Variants in PCDHGA11 observed in about 807,000 individuals in gnomAD.
The protein encoded by PCDHGA11 is protocadherin gamma subfamily A, 11.
A neutral mutation model predicts 60.4 loss-of-function variants in PCDHGA11; 39 were observed. The ratio of observed to expected loss-of-function variants is 0.65; its 90% CI spans 0.50 to 0.84. The LOEUF (loss-of-function observed/expected upper bound fraction) is 0.84. Among genes scored for constraint, PCDHGA11 ranks in the 40% least tolerant of loss-of-function variants. PCDHGA11 has a pLI of 0.00. For missense variants in PCDHGA11, 1,165 were observed against 1,197.7 expected (o/e 0.97, Z 0.40); for synonymous variants, 533 against 510.3 (o/e 1.04, Z -0.60).
intron 1 of PCDHGA11, among the ~76,000 whole-genome samples, chr5:141,436,889 G>T (rs1319754318): frequency 6.6e-6 from 1 of 152,208 alleles, no homozygotes; most frequent in Non-Finnish European, 1.5e-5. Flanking sequence ...ATGGGGGAAA[G>T]ATTTTTATAT....
At position 141,422,184 on chromosome 5, in the gene PCDHGA11, A is replaced by T; in HGVS notation, c.957A>T (p.Glu319Asp). ...AAAAATATAGATTCTATGAGATGGAAATTCAAGGCCAAGATGGTGGAGGTC... is the reference window on the plus strand; with the variant it reads ...AAAAATATAGATTCTATGAGATGGATATTCAAGGCCAAGATGGTGGAGGTC... ...DFEKYRFYEM[E>D]IQGQDGGGLF... The change falls in exon 1 of 4, where the codon GAA becomes GAT. Residue 319 changes from glutamate to aspartate, a missense_variant. Transcript: ENST00000398587. 1 of 1,561,838 alleles carries T rather than the reference A, an allele frequency of 6.4e-7. No homozygotes were observed. Among genetic ancestry groups the T allele is most frequent in the Non-Finnish European group, 8.6e-7 (1 of 1,158,662 alleles).
rs200877911 is a variant in PCDHGA11 at position 141,477,977 on chromosome 5, A to G, written c.2434-16830A>G. ...ATCCCCTAACCAGAGCCTTTTTGCC[A>G]TAGGGCTGCACACTGGTCAAATCAG... On this transcript the variant is annotated intron_variant, in intron 1 of 3. Coordinates refer to ENST00000398587, the MANE Select transcript of PCDHGA11 (RefSeq NM_018914.3). The surrounding 1 kb of genome is among the most constrained non-coding windows in gnomAD (Gnocchi z 4.9). 5 of 1,614,092 alleles carry G rather than the reference A, an allele frequency of 3.1e-6. No individual in the cohort carries two copies. The East Asian group carries it at 6.7e-5, about 22-fold the overall frequency.
intron 1 of PCDHGA11, among the ~76,000 whole-genome samples, chr5:141,454,204 T>G (rs1161344350): frequency 3.3e-5 from 5 of 152,170 alleles, no homozygotes; most frequent in Non-Finnish European, 1.5e-5. Context: ...GTGAATTTAT[T>G]GACATGAATG....
rs1444244130 is a variant in PCDHGA11 at position 141,433,401 on chromosome 5, A to ATCTATCTC, written c.2433+9746_2433+9747insCTCTCTAT. The stretch of plus-strand genomic sequence containing the variant: ...TATCTATCTATCTATCTATCTATCT[A>ATCTATCTC]TCTATTACTTTCTTGTACAGACAGG... On this transcript the variant is annotated intron_variant, in intron 1 of 3. Transcript: ENST00000398587. Among the ~76,000 whole-genome samples, 100 of 150,598 alleles carry ATCTATCTC rather than the reference A, an allele frequency of 6.6e-4. 1 individual carries two copies. Among genetic ancestry groups the ATCTATCTC allele is most frequent in the African/African-American group, 2.4e-3 (100 of 40,958 alleles).
chr5:141,494,537 G>C (rs2099755111), intron 1 of PCDHGA11, among the ~76,000 whole-genome samples: 1 of 152,168 alleles, frequency 6.6e-6, no homozygotes, highest in Non-Finnish European at 1.5e-5. Flanking sequence ...TGGGGGCAGG[G>C]AGGAAGGGGC....
At chr5:141,496,050 G>A (rs1232836015) in intron 2 of PCDHGA11, among the ~76,000 whole-genome samples, 2 of 149,892 alleles carry the variant, frequency 1.3e-5, no homozygotes, top group Non-Finnish European at 3.0e-5. Flanking sequence ...ATTTTTTTGT[G>A]CTTGTGGGCA....
intron 1 of PCDHGA11, among the ~76,000 whole-genome samples, chr5:141,425,402 A>C (rs1288785443): frequency 6.6e-6 from 1 of 152,222 alleles, no homozygotes; most frequent in Non-Finnish European, 1.5e-5. Flanking sequence ...AAGTTCTGTT[A>C]AGGTATAACA....
chr5:141,489,830 A>G lies in PCDHGA11; in HGVS notation c.2434-4977A>G, dbSNP rs760376311. On this transcript the variant is annotated intron_variant, in intron 1 of 3. Coordinates refer to ENST00000398587, the MANE Select transcript of PCDHGA11 (RefSeq NM_018914.3). The surrounding 1 kb of genome is among the most constrained non-coding windows in gnomAD (Gnocchi z 4.5). ...AAGCCATTCCCAGAGCTGGTGCTAG[A>G]GCAGCAGCTGGATCGTGAAGCCCAG... 1.9e-6 allele frequency: 3 copies of G among 1,614,200 alleles called. No individual in the cohort carries two copies. Among genetic ancestry groups the G allele is most frequent in the East Asian group, 2.2e-5 (1 of 44,878 alleles).
At position 141,432,319 on chromosome 5, in the gene PCDHGA11, C is replaced by A; in HGVS notation, c.2433+8659C>A. The A allele has an allele frequency of 6.2e-7, 1 of 1,614,264 alleles. No individual in the cohort carries two copies. Among genetic ancestry groups the A allele is most frequent in the South Asian group, 1.1e-5 (1 of 91,088 alleles). ...GGGTACTGTATGCGCTGAGCTCCTTCGACTACGAGCAGTTCCGAGACTTGC... is the reference window on the plus strand; with the variant it reads ...GGGTACTGTATGCGCTGAGCTCCTTAGACTACGAGCAGTTCCGAGACTTGC... On this transcript the variant is annotated intron_variant, in intron 1 of 3. Transcript: ENST00000398587. The surrounding 1 kb of genome is among the most constrained non-coding windows in gnomAD (Gnocchi z 6.0).
chr5:141,422,746 T>G lies in PCDHGA11; in HGVS notation c.1519T>G (p.Ser507Ala), dbSNP rs763386007. The G allele has an allele frequency of 6.2e-7, 1 of 1,611,014 alleles. No homozygotes were observed. Among genetic ancestry groups the G allele is most frequent in the Non-Finnish European group, 8.5e-7 (1 of 1,178,114 alleles). ...GGGGGTGCCTCTGTCCTCCTATGTC[T>G]CTATTAACTCCAACACTGGTGTTCT... ...VQGVPLSSYV[S>A]INSNTGVLYA... Residue 507 changes from serine (S) to alanine (A), a missense_variant, in exon 1 of 4, where the codon TCT becomes GCT. Coordinates refer to ENST00000398587, the MANE Select transcript of PCDHGA11 (RefSeq NM_018914.3).
chr5:141,463,747 G>A (rs994400482), intron 1 of PCDHGA11, among the ~76,000 whole-genome samples: 13 of 152,082 alleles, frequency 8.5e-5, no homozygotes, highest in Middle Eastern at 3.4e-3. Context: ...CGCCCGGCCT[G>A]CTTCTCTTCT....
chr5:141,462,051 G>A (rs1370612703), intron 1 of PCDHGA11, among the ~76,000 whole-genome samples: 2 of 152,068 alleles, frequency 1.3e-5, no homozygotes, highest in African/African-American at 4.8e-5. Context: ...TTGAACTCCC[G>A]ACCTCAGGTG....
At chr5:141,441,742 T>C in intron 1 of PCDHGA11, 1 of 367,312 alleles carries the variant, frequency 2.7e-6, no homozygotes, top group Non-Finnish European at 5.4e-6. Context: ...TAGCTCGCGC[T>C]CGGCGTCAAC....
chr5:141,502,655 C>T (rs72790073), intron 2 of PCDHGA11, among the ~76,000 whole-genome samples: 29,437 of 152,034 alleles, frequency 0.19, 2,877 homozygotes, highest in Middle Eastern at 0.24. Context: ...AGGCAGCAAC[C>T]CTTCATGCAA....
intron 1 of PCDHGA11, chr5:141,428,173 CGGA>C (rs770477048): frequency 1.3e-6 from 2 of 1,514,730 alleles, no homozygotes. Context: ...CTGTGCGTGA[CGGA>C]GGACAGCCGC....
intron 1 of PCDHGA11, among the ~76,000 whole-genome samples, chr5:141,482,412 T>C (rs2099559037): frequency 6.6e-6 from 1 of 151,636 alleles, no homozygotes; most frequent in Non-Finnish European, 1.5e-5. Context: ...TAACTATTTG[T>C]TGAACTAAAA....
At chr5:141,484,451 T>G (rs2099596635) in intron 1 of PCDHGA11, among the ~76,000 whole-genome samples, 2 of 152,264 alleles carry the variant, frequency 1.3e-5, no homozygotes, top group South Asian at 4.1e-4. Flanking sequence ...TTTAATTGGC[T>G]ACGTTAATGT....
Position 141,421,564 on chromosome 5 carries a change from G to T in PCDHGA11, c.337G>T (p.Asp113Tyr), listed in dbSNP as rs2096583836. The T allele has an allele frequency of 1.2e-6, 2 of 1,613,864 alleles. No homozygotes were observed. The highest frequency in any genetic ancestry group is 3.3e-5 in the Admixed American group (2 of 60,010). Residue 113 changes from aspartate to tyrosine, a missense_variant, in exon 1 of 4, where the codon GAC (aspartate) becomes TAC (tyrosine). Physicochemically the swap from Asp to Tyr is radical, Grantham distance 160. Coordinates refer to ENST00000398587, the MANE Select transcript of PCDHGA11 (RefSeq NM_018914.3). ...TTTAAATATGGAACTTCTCGTGGAA[G>T]ACACCTTGAAGATTTACGGAGTGGA... is the stretch of plus-strand genomic sequence containing the variant. ...CFLNMELLVE[D>Y]TLKIYGVEVE...
intron 1 of PCDHGA11, among the ~76,000 whole-genome samples, chr5:141,461,004 T>C (rs2099006736): frequency 6.6e-6 from 1 of 151,664 alleles, no homozygotes; most frequent in Non-Finnish European, 1.5e-5. Context: ...TATGTGTATA[T>C]ATATATACCA....
Sources: gnomAD v4.1 joint callset for allele counts (sites outside exome capture counted in the v4.1 genomes callset) on GRCh38, gnomAD v4.1.1 for gene constraint, Gnocchi (gnomAD v3.1) non-coding constraint, MANE v1.5 for transcripts, NCBI Gene and HGNC (gene_info 2026-07-23, HGNC 2026-07-21) for gene names.